CDYL2: variants seen among roughly 807,000 people sequenced by gnomAD.
The protein encoded by CDYL2 is chromodomain Y like 2, also known as chromodomain Y-like protein 2.
CDYL2 carries 23 observed loss-of-function variants against 49.4 expected under a neutral mutation model. The observed-to-expected ratio is 0.47, with a 90% CI of 0.34 to 0.66. CDYL2 has a LOEUF of 0.66. Ranked by LOEUF, CDYL2 falls within the 30% of genes least tolerant of loss-of-function variation. The pLI is 0.01. For synonymous variants in CDYL2, 360 were observed against 268.8 expected, an observed-to-expected ratio of 1.34 and a Z score of -3.32; for missense variants, 678 against 656.4, an observed-to-expected ratio of 1.03 and a Z score of -0.36.
intron 1 of CDYL2, among the ~76,000 whole-genome samples, chr16:80,772,225 G>A (rs534456621): frequency 1.7e-3 from 257 of 152,270 alleles, no homozygotes; most frequent in Admixed American, 3.3e-3. Flanking sequence ...TAATAAAAAA[G>A]AGTGTTTTTT....
chr16:80,608,545 T>A (rs561561168), intron 5 of CDYL2, among the ~76,000 whole-genome samples: 101 of 152,222 alleles, frequency 6.6e-4, no homozygotes, highest in Non-Finnish European at 1.1e-3. Context: ...TGGGAAGATT[T>A]CAGAGCCGAT....
At chr16:80,674,868 T>C (rs552911626) in intron 2 of CDYL2, among the ~76,000 whole-genome samples, 8 of 152,366 alleles carry the variant, frequency 5.3e-5, no homozygotes, top group Admixed American at 2.0e-4. Context: ...TCTTCTAGCA[T>C]TGAAATAAAC....
chr16:80,685,360 T>C (rs1407591577), intron 1 of CDYL2, among the ~76,000 whole-genome samples: 1 of 152,198 alleles, frequency 6.6e-6, no homozygotes, highest in East Asian at 1.9e-4. Context: ...CCATTTCCCA[T>C]GATGACGCTA....
At chr16:80,643,931 T>C (rs1259469645) in intron 2 of CDYL2, among the ~76,000 whole-genome samples, 1 of 152,222 alleles carries the variant, frequency 6.6e-6, no homozygotes, top group East Asian at 1.9e-4. Flanking sequence ...AGCTCCTCAT[T>C]ACTTATGCAA....
chr16:80,689,054 C>G (rs1910309503), intron 1 of CDYL2, among the ~76,000 whole-genome samples: 1 of 151,866 alleles, frequency 6.6e-6, no homozygotes, highest in African/African-American at 2.4e-5. Context: ...TAATTCTCTT[C>G]CCTTTATTTG....
intron 1 of CDYL2, among the ~76,000 whole-genome samples, chr16:80,730,245 T>G (rs1905282106): frequency 6.6e-6 from 1 of 151,508 alleles, no homozygotes; most frequent in South Asian, 2.1e-4. Context: ...ATCAAACAGA[T>G]GCAATAAAAA....
chr16:80,609,354 G>A (rs951905095), intron 5 of CDYL2, among the ~76,000 whole-genome samples: 1 of 152,154 alleles, frequency 6.6e-6, no homozygotes, highest in Admixed American at 6.5e-5. Context: ...TCGGGTTGAC[G>A]CTGAAATGCC....
At chr16:80,639,796 G>A in intron 2 of CDYL2, 1 of 451,340 alleles carries the variant, frequency 2.2e-6, no homozygotes, top group Non-Finnish European at 4.4e-6. Flanking sequence ...AAGCACGTTT[G>A]TGCACTGTGG....
chr16:80,660,293 G>A (rs1908988812), intron 2 of CDYL2, among the ~76,000 whole-genome samples: 1 of 152,012 alleles, frequency 6.6e-6, no homozygotes, highest in South Asian at 2.1e-4. Flanking sequence ...AATCAATGGT[G>A]TTTAATAATG....
chr16:80,642,684 A>G (rs1908154234), intron 2 of CDYL2, among the ~76,000 whole-genome samples: 1 of 152,180 alleles, frequency 6.6e-6, no homozygotes, highest in Non-Finnish European at 1.5e-5. Flanking sequence ...CACTTCTTAC[A>G]TAGCAGTGGC....
chr16:80,781,606 T>C (rs1039272838), intron 1 of CDYL2, among the ~76,000 whole-genome samples: 1 of 152,212 alleles, frequency 6.6e-6, no homozygotes, highest in African/African-American at 2.4e-5. Flanking sequence ...ACACATGGTA[T>C]GTTCTCCTGA....
At chr16:80,767,811 T>A (rs927895424) in intron 1 of CDYL2, among the ~76,000 whole-genome samples, 15 of 152,144 alleles carry the variant, frequency 9.9e-5, no homozygotes, top group Non-Finnish European at 1.9e-4. Context: ...AATCTCTAGC[T>A]TTTCTAAAAA....
At chr16:80,713,488 A>G (rs1445188172) in intron 1 of CDYL2, among the ~76,000 whole-genome samples, 1 of 152,212 alleles carries the variant, frequency 6.6e-6, no homozygotes, top group Non-Finnish European at 1.5e-5. Context: ...AGCTTAGCCC[A>G]GAGCACCAAA....
At chr16:80,710,398 C>T (rs867919043) in intron 1 of CDYL2, among the ~76,000 whole-genome samples, 3 of 152,096 alleles carry the variant, frequency 2.0e-5, no homozygotes, top group African/African-American at 2.4e-5. Flanking sequence ...ATCTTTGAAC[C>T]AAGTAATTCG....
At position 80,713,778 on chromosome 16, in the gene CDYL2, A is replaced by T. The variant is rs2060862; in HGVS notation, c.25-28649T>A. ...TCTATGGCTATATCATAAAAGTGACATTCATTTCCACTCTGCTCTCCTGGG... is the reference window on the plus strand; with the variant it reads ...TCTATGGCTATATCATAAAAGTGACTTTCATTTCCACTCTGCTCTCCTGGG... On this transcript the variant is annotated intron_variant, in intron 1 of 6. Transcript: ENST00000570137. Among the ~76,000 whole-genome samples, 172 of 152,228 alleles carry T rather than the reference A, an allele frequency of 1.1e-3. 1 individual carries two copies. Among genetic ancestry groups the T allele is most frequent in the South Asian group, 7.7e-3 (37 of 4,820 alleles).
rs376426371 is a variant in CDYL2, at chr16:80,702,685, G to C, written c.25-17556C>G. On this transcript the variant is annotated intron_variant, in intron 1 of 6. Transcript: ENST00000570137. ...AGATCGCTTGAGCCCAGGAAGGCAA[G>C]GTTGCAGTGGGCTATGATCGTACCA... 2.6e-3 allele frequency among the ~76,000 whole-genome samples: 398 copies of C among 152,314 alleles called. 1 individual carries two copies. The highest frequency in any genetic ancestry group is 9.2e-3 in the African/African-American group (382 of 41,570).
intron 1 of CDYL2, among the ~76,000 whole-genome samples, chr16:80,730,479 G>GTT (rs1905289321): frequency 6.6e-6 from 1 of 152,030 alleles, no homozygotes; most frequent in Non-Finnish European, 1.5e-5. Flanking sequence ...CAACCAAAAA[G>GTT]AGTCCAGGAC....
chr16:80,665,007 C>T (rs936435712), intron 2 of CDYL2, among the ~76,000 whole-genome samples: 1 of 152,158 alleles, frequency 6.6e-6, no homozygotes, highest in Non-Finnish European at 1.5e-5. Flanking sequence ...CTCTGTCTTG[C>T]CTTACTCATC....
intron 2 of CDYL2, among the ~76,000 whole-genome samples, chr16:80,671,242 G>T (rs1480796282): frequency 6.6e-6 from 1 of 152,192 alleles, no homozygotes; most frequent in African/African-American, 2.4e-5. Context: ...CTGCCCAGTG[G>T]GTTTAAAGAG....
Sources: gnomAD v4.1 joint callset for allele counts (sites outside exome capture counted in the v4.1 genomes callset) on GRCh38, gnomAD v4.1.1 for gene constraint, MANE v1.5 for transcripts, NCBI Gene and HGNC (gene_info 2026-07-23, HGNC 2026-07-21) for gene names.